The following EYS variants were observed in gnomAD, a reference collection of about 807,000 sequenced individuals.
EYS encodes the protein protein eyes shut homolog.
Under a neutral mutation model 282.1 loss-of-function variants are expected in EYS, and 250 were observed. The ratio of observed to expected loss-of-function variants is 0.89; its 90% CI spans 0.80 to 0.98. EYS has a LOEUF of 0.98. EYS is among the 50% of genes least tolerant of loss of function. The pLI, the probability that EYS is intolerant of heterozygous loss-of-function variation, is 0.00. For missense variants in EYS, 4,016 were observed against 3,709.0 expected, an observed-to-expected ratio of 1.08 and a Z score of -2.15; for synonymous variants, 1,355 against 1,282.9, an observed-to-expected ratio of 1.06 and a Z score of -1.20.
At chr6:65,667,057 G>C (rs1370416734) in intron 1 of EYS, among the ~76,000 whole-genome samples, 4 of 151,290 alleles carry the variant, frequency 2.6e-5, no homozygotes, top group Admixed American at 1.3e-4. Flanking sequence ...TTCCTTTGAA[G>C]AGATTTATTA....
chr6:64,663,473 AG>A (rs1426516935), intron 22 of EYS, among the ~76,000 whole-genome samples: 1 of 152,178 alleles, frequency 6.6e-6, no homozygotes, highest in African/African-American at 2.4e-5. Flanking sequence ...AAGTAACAAA[AG>A]CTTATTTCTT....
chr6:64,925,377 A>G (rs1465094118), intron 15 of EYS, among the ~76,000 whole-genome samples: 1 of 152,138 alleles, frequency 6.6e-6, no homozygotes, highest in African/African-American at 2.4e-5. Context: ...ACCAAACTCT[A>G]TCAGTGGAAT....
chr6:64,404,412 TGCAC>T (rs1379134532), intron 28 of EYS, among the ~76,000 whole-genome samples: 1 of 148,052 alleles, frequency 6.8e-6, no homozygotes, highest in African/African-American at 2.6e-5. Flanking sequence ...TGTGTGTGTG[TGCAC>T]GCACGCGTGT....
intron 13 of EYS, among the ~76,000 whole-genome samples, chr6:65,009,707 G>A (rs1193855859): frequency 6.6e-6 from 1 of 152,116 alleles, no homozygotes; most frequent in Admixed American, 6.5e-5. Flanking sequence ...CAGAAACCTT[G>A]TGCCATCAAG....
intron 22 of EYS, among the ~76,000 whole-genome samples, chr6:64,802,511 C>T (rs1415054105): frequency 1.3e-5 from 2 of 151,990 alleles, no homozygotes; most frequent in Admixed American, 6.6e-5. Flanking sequence ...AACAAACTGC[C>T]ACCAAAATAA....
chr6:64,568,023 G>C (rs759117009), intron 26 of EYS, among the ~76,000 whole-genome samples: 23 of 152,306 alleles, frequency 1.5e-4, no homozygotes, highest in Non-Finnish European at 3.4e-4. Flanking sequence ...TCCATGAGTA[G>C]AGAAGATAGA....
chr6:65,109,883 T>G (rs190309767), intron 12 of EYS, among the ~76,000 whole-genome samples: 66 of 152,268 alleles, frequency 4.3e-4, no homozygotes, highest in Non-Finnish European at 7.5e-4. Flanking sequence ...GTTTTATAAT[T>G]TTCTTCAGGG....
At chr6:63,780,945 C>A (rs1770206694) in intron 39 of EYS, among the ~76,000 whole-genome samples, 1 of 152,166 alleles carries the variant, frequency 6.6e-6, no homozygotes, top group Non-Finnish European at 1.5e-5. Context: ...AGGAAGGAAT[C>A]CAGTTTCAGC....
chr6:65,462,754 T>C (rs1287767862), intron 5 of EYS, among the ~76,000 whole-genome samples: 3 of 152,208 alleles, frequency 2.0e-5, no homozygotes, highest in Middle Eastern at 3.4e-3. Context: ...TCACAATAGA[T>C]ATTTAAAATT....
intron 1 of EYS, among the ~76,000 whole-genome samples, chr6:65,649,457 C>A (rs906486860): frequency 6.6e-6 from 1 of 151,928 alleles, no homozygotes; most frequent in Non-Finnish European, 1.5e-5. Flanking sequence ...ATATAATGAA[C>A]CTTATTGTTT....
chr6:65,686,322 A>G (rs1769012269), intron 1 of EYS, among the ~76,000 whole-genome samples: 1 of 152,056 alleles, frequency 6.6e-6, no homozygotes, highest in Non-Finnish European at 1.5e-5. Context: ...GAAAAATCTA[A>G]TATGGGACAG....
At chr6:64,821,386 G>A (rs1764892501) in intron 21 of EYS, among the ~76,000 whole-genome samples, 1 of 151,906 alleles carries the variant, frequency 6.6e-6, no homozygotes, top group Non-Finnish European at 1.5e-5. Flanking sequence ...ATTTAGTTTG[G>A]TGGGGCGGTC....
chr6:63,979,248 C>CTT lies in EYS; in HGVS notation c.7055+5134_7055+5135insAA, dbSNP rs1582070146. The stretch of plus-strand genomic sequence containing the variant: ...CATTTTGTCAGTGGCTGCATTCCTG[C>CTT]TACAATAGGAGAGTTAAGTTATTGC... On this transcript the variant is annotated intron_variant, in intron 35 of 42. Transcript: ENST00000503581. Among the ~76,000 whole-genome samples, 3 of 152,004 alleles carry CTT rather than the reference C, an allele frequency of 2.0e-5. No homozygotes were observed. The East Asian group carries it at 5.8e-4, about 30-fold the overall frequency.
At chr6:64,188,225 G>A (rs570326497) in intron 31 of EYS, among the ~76,000 whole-genome samples, 1 of 152,054 alleles carries the variant, frequency 6.6e-6, no homozygotes, top group East Asian at 1.9e-4. Context: ...TACCTCAGTG[G>A]TACTCAATTT....
At chr6:64,499,522 T>G (rs1356484572) in intron 26 of EYS, among the ~76,000 whole-genome samples, 1 of 152,166 alleles carries the variant, frequency 6.6e-6, no homozygotes, top group Admixed American at 6.5e-5. Context: ...CTAAAGAAAT[T>G]CAGGAGTGAG....
At chr6:65,151,683 A>G (rs7758752) in intron 12 of EYS, among the ~76,000 whole-genome samples, 3,656 of 152,098 alleles carry the variant, frequency 0.024, 146 homozygotes, top group African/African-American at 0.082. Flanking sequence ...TTTTAAATAT[A>G]CAAACACATA....
intron 29 of EYS, among the ~76,000 whole-genome samples, chr6:64,325,868 A>AAT (rs1191248746): frequency 6.6e-6 from 1 of 152,134 alleles, no homozygotes; most frequent in African/African-American, 2.4e-5. Context: ...CAAAGAAAAA[A>AAT]ATAAGAAAAC....
intron 13 of EYS, among the ~76,000 whole-genome samples, chr6:65,017,038 T>C (rs1015111314): frequency 6.6e-6 from 1 of 152,168 alleles, no homozygotes; most frequent in African/African-American, 2.4e-5. Flanking sequence ...GAAGTCTGAG[T>C]GATGAATTTT....
At chr6:64,919,713 T>A (rs986513809) in intron 15 of EYS, among the ~76,000 whole-genome samples, 1 of 152,134 alleles carries the variant, frequency 6.6e-6, no homozygotes, top group Non-Finnish European at 1.5e-5. Context: ...CTGTTTCCAA[T>A]ATTCTATATG....
Sources: gnomAD v4.1 joint callset for allele counts (sites outside exome capture counted in the v4.1 genomes callset) on GRCh38, gnomAD v4.1.1 for gene constraint, MANE v1.5 for transcripts, NCBI Gene and HGNC (gene_info 2026-07-23, HGNC 2026-07-21) for gene names.